The following SP110 variants were observed in gnomAD, a reference collection of about 807,000 sequenced individuals.
SP110 encodes interferon-induced protein 41, 30kD.
Under a neutral mutation model 92.7 loss-of-function variants are expected in SP110, and 62 were observed. The ratio of observed to expected loss-of-function variants is 0.67; its 90% CI spans 0.55 to 0.83. The LOEUF (loss-of-function observed/expected upper bound fraction) is 0.83, where lower values mean the gene tolerates loss of function less well. Ranked by LOEUF, SP110 falls within the 40% of genes least tolerant of loss-of-function variation. The probability of loss-of-function intolerance (pLI) is 0.00; values close to 1 mark genes in which losing one functional copy is unlikely to be tolerated. For missense variants in SP110, 793 were observed against 863.9 expected, an observed-to-expected ratio of 0.92 and a Z score of 1.03; for synonymous variants, 273 against 305.3, an observed-to-expected ratio of 0.89 and a Z score of 1.10.
At chr2:230,191,049 G>A (rs892027306) in intron 10 of SP110, among the ~76,000 whole-genome samples, 1 of 152,038 alleles carries the variant, frequency 6.6e-6, no homozygotes, top group Non-Finnish European at 1.5e-5. Flanking sequence ...GATCTTCTTC[G>A]ATTCCATATG....
intron 12 of SP110, 130 bp downstream of exon 12, chr2:230,183,442 G>C (rs1199078805): frequency 2.6e-6 from 2 of 765,154 alleles, no homozygotes; most frequent in African/African-American, 1.7e-5. Context: ...AATTCAGCTG[G>C]TACCCATGAC....
chr2:230,199,525 T>C (rs62193101), intron 10 of SP110, among the ~76,000 whole-genome samples: 1,811 of 152,220 alleles, frequency 0.012, 14 homozygotes, highest in Non-Finnish European at 0.018. Flanking sequence ...ATAATCCTAA[T>C]GGTGACAGCA....
rs5839361 is a variant in SP110 at position 230,168,917 on chromosome 2, A to ATTAATTT, written c.*206_*207insAAATTAA. 6,492 of 424,686 alleles carry ATTAATTT rather than the reference A, an allele frequency of 0.015. 25 individuals carry two copies. Among genetic ancestry groups the ATTAATTT allele is most frequent in the South Asian group, 0.021 (817 of 39,422 alleles). The allele number at this position is 424,686 out of a possible 1,614,324, so 26.3% of individuals were successfully genotyped here. ...ATCTGATGGTATTAAGGAAGTATTA[A>ATTAATTT]TTTTTTTTTTTTTTAGTGTAGATAT... is the stretch of plus-strand genomic sequence containing the variant. On this transcript the variant is annotated 3_prime_UTR_variant, in exon 19 of 19. Transcript: ENST00000258381.
upstream of SP110, among the ~76,000 whole-genome samples, chr2:230,222,822 A>G (rs150020527): frequency 0.014 from 2,120 of 147,820 alleles, 26 homozygotes; most frequent in South Asian, 0.022. Context: ...ACCACAGATT[A>G]GTTTCGTGTG....
intron 11 of SP110, among the ~76,000 whole-genome samples, chr2:230,185,538 A>G (rs2042318779): frequency 6.6e-6 from 1 of 152,220 alleles, no homozygotes; most frequent in Non-Finnish European, 1.5e-5. Context: ...TAAACAGACA[A>G]TTTAGGCAAT....
Position 230,172,052 on chromosome 2 carries a change from T to C in SP110, c.1815+14A>G, listed in dbSNP as rs34034766. ...AAGGGAAAAGTATAGGTTTGGGGTT[T>C]GCATCCAACTCACCAGCTGGTCCTG... On this transcript the variant is annotated intron_variant, in intron 16 of 18. Coordinates refer to ENST00000258381, the MANE Select transcript of SP110 (RefSeq NM_080424.4). The C allele has an allele frequency of 0.11, 164,604 of 1,478,622 alleles. 9,984 individuals carry two copies. The highest frequency in any genetic ancestry group is 0.12 in the Non-Finnish European group (128,810 of 1,055,968). 91.6% of individuals were successfully genotyped at this position (1,478,622 alleles called of 1,614,324 possible). A position where few individuals can be genotyped will look rare whatever the true frequency, so the allele number is the denominator to read the frequency against.
chr2:230,172,475 T>G (rs904948666), intron 15 of SP110: 1 of 543,946 alleles, frequency 1.8e-6, no homozygotes, highest in African/African-American at 1.9e-5. Context: ...TGTCAGAATC[T>G]GGGCTTTCAC....
chr2:230,172,458 G>A (rs941046229), intron 15 of SP110: 2 of 552,976 alleles, frequency 3.6e-6, no homozygotes, highest in South Asian at 2.1e-5. Context: ...TGCCTGCCAG[G>A]CTTGAGTGTC....
chr2:230,192,883 G>T (rs1231441702), intron 10 of SP110, among the ~76,000 whole-genome samples: 1 of 152,114 alleles, frequency 6.6e-6, no homozygotes, highest in African/African-American at 2.4e-5. Flanking sequence ...CTAGAGTGTA[G>T]TTTACATCTA....
chr2:230,203,683 A>G (rs183699154), intron 8 of SP110: 4 of 152,352 alleles, frequency 2.6e-5, no homozygotes, highest in African/African-American at 9.6e-5. Flanking sequence ...TACAGAAAAT[A>G]TGAGAGTGTG....
rs1333279996 is a variant in SP110, at chr2:230,212,423, A to G, written c.591T>C (p.Asn197=). 2.5e-6 allele frequency: 4 copies of G among 1,609,138 alleles called. No homozygotes were observed. Among genetic ancestry groups the G allele is most frequent in the South Asian group, 1.1e-5 (1 of 90,986 alleles). ...CATTCATTTTGGATGTTAACTTGTC[A>G]TTGGTCACTGAAGGAGGAAAGGAAA... The part of the protein sequence containing the change: ...IQEGRSTSVT[N]DKLTSKMNAE... Residue 197 remains asparagine (N), a synonymous_variant, in exon 5 of 19, where the codon AAT becomes AAC. Coordinates refer to ENST00000258381, the MANE Select transcript of SP110 (RefSeq NM_080424.4).
chr2:230,169,068 A>C lies in SP110; in HGVS notation c.*56T>G. ...TCACTGGCAATCAACAGTCCAAGCC[A>C]GGGTCCCATCAGCTGAATCCTGAGG... On this transcript the variant is annotated 3_prime_UTR_variant, in exon 19 of 19. Transcript: ENST00000258381. 1 of 1,176,140 alleles carries C rather than the reference A, an allele frequency of 8.5e-7. No individual in the cohort carries two copies. The allele number at this position is 1,176,140 out of a possible 1,614,324, so 72.9% of individuals were successfully genotyped here. A position where few individuals can be genotyped will look rare whatever the true frequency, so the allele number is the denominator to read the frequency against.
At chr2:230,202,495 A>G (rs1387406556) in intron 9 of SP110, 84 bp downstream of exon 9, 9 of 1,309,046 alleles carry the variant, frequency 6.9e-6, no homozygotes, top group South Asian at 2.4e-5. Flanking sequence ...TTGACTTTAC[A>G]TATCTACTTA....
At chr2:230,206,931 A>C (rs185775052) in intron 8 of SP110, among the ~76,000 whole-genome samples, 1 of 152,216 alleles carries the variant, frequency 6.6e-6, no homozygotes, top group Admixed American at 6.5e-5. Flanking sequence ...TTCCTAGGTT[A>C]AATCCTAAAG....
Position 230,206,592 on chromosome 2 carries a change from A to ATT in SP110, c.898+1397_898+1398dup, listed in dbSNP as rs1185913350. On this transcript the variant is annotated intron_variant, in intron 8 of 18. Transcript: ENST00000258381. ...AGATATTATATATTATCTGGTCCAG[A>ATT]TTTTATATATATATATATATATATA... 1.4e-3 allele frequency among the ~76,000 whole-genome samples: 88 copies of ATT among 62,350 alleles called. 1 individual carries two copies. Among genetic ancestry groups the ATT allele is most frequent in the Non-Finnish European group, 2.1e-3 (69 of 33,186 alleles). 40.9% of individuals were successfully genotyped at this position (62,350 alleles called of 152,430 possible).
At chr2:230,182,351 T>C (rs879638008) in intron 12 of SP110, among the ~76,000 whole-genome samples, 13 of 152,162 alleles carry the variant, frequency 8.5e-5, no homozygotes, top group East Asian at 1.9e-4. Context: ...CTAATGCATG[T>C]TGGGCTTAAT....
chr2:230,165,225 TATTA>T lies in SP110; in HGVS notation c.*3895_*3898del, dbSNP rs2078294897. ...AGTTATGATAAGTTATATATTATGT[TATTA>T]ATTTATGAAAACAATAGAACACATT... On this transcript the variant is annotated 3_prime_UTR_variant, in exon 19 of 19. Transcript: ENST00000258381. Among the ~76,000 whole-genome samples, 1 of 152,262 alleles carries T rather than the reference TATTA, an allele frequency of 6.6e-6. No individual in the cohort carries two copies. Among genetic ancestry groups the T allele is most frequent in the South Asian group, 2.1e-4 (1 of 4,836 alleles).
At position 230,170,992 on chromosome 2, in the gene SP110, A is replaced by G; in HGVS notation, c.1888-231T>C. The G allele has an allele frequency of 5.0e-6, 3 of 595,270 alleles. No individual in the cohort carries two copies. The East Asian group carries it at 8.6e-5, about 17-fold the overall frequency. The allele number at this position is 595,270 out of a possible 1,614,324, so 36.9% of individuals were successfully genotyped here. A position where few individuals can be genotyped will look rare whatever the true frequency, so the allele number is the denominator to read the frequency against. ...ATAAATAATAATGCCCATTTCATAGATGAGGAAACCGAGGGATGGAGAGGT... is the reference window on the plus strand; with the variant it reads ...ATAAATAATAATGCCCATTTCATAGGTGAGGAAACCGAGGGATGGAGAGGT... On this transcript the variant is annotated intron_variant, in intron 17 of 18. Coordinates refer to ENST00000258381, the MANE Select transcript of SP110 (RefSeq NM_080424.4).
In SP110 at chr2:230,172,408, T is replaced by G. The variant is rs112895632; in HGVS notation, c.1707-234A>C. On this transcript the variant is annotated intron_variant, in intron 15 of 18. Coordinates refer to ENST00000258381, the MANE Select transcript of SP110 (RefSeq NM_080424.4). ...TGGTGTCACTGTTAAGTGTGGGCTC[T>G]CTTTTCCCTGTCTGAGCTGCTGGGA... 24 of 591,782 alleles carry G rather than the reference T, an allele frequency of 4.1e-5. No individual in the cohort carries two copies. The African/African-American group carries it at 4.1e-4, about 10-fold the overall frequency. The allele number at this position is 591,782 out of a possible 1,614,324, so 36.7% of individuals were successfully genotyped here. A position where few individuals can be genotyped will look rare whatever the true frequency, so the allele number is the denominator to read the frequency against.
Sources: gnomAD v4.1 joint callset for allele counts (sites outside exome capture counted in the v4.1 genomes callset) on GRCh38, gnomAD v4.1.1 for gene constraint, MANE v1.5 for transcripts, NCBI Gene and HGNC (gene_info 2026-07-23, HGNC 2026-07-21) for gene names.